Variants in SGCD observed in about 807,000 individuals in gnomAD.
SGCD encodes the protein delta-sarcoglycan.
SGCD carries 18 observed loss-of-function variants against 36.6 expected under a neutral mutation model. The ratio of observed to expected loss-of-function variants is 0.49; its 90% CI spans 0.34 to 0.73. SGCD has a LOEUF of 0.73. Among genes scored for constraint, SGCD ranks in the 30% least tolerant of loss-of-function variants. SGCD has a pLI of 0.01. For synonymous variants in SGCD, 133 were observed against 130.6 expected (o/e 1.02, Z -0.12); for missense variants, 387 against 346.7 (o/e 1.12, Z -0.92).
At chr5:155,895,437 G>A (rs1756228669) in intron 1 of SGCD, among the ~76,000 whole-genome samples, 1 of 152,172 alleles carries the variant, frequency 6.6e-6, no homozygotes, top group South Asian at 2.1e-4. Flanking sequence ...GTAGTTGAAA[G>A]TTCTCTTTAA....
At position 156,475,809 on chromosome 5, in the gene SGCD, A is replaced by G. The variant is rs75954270; in HGVS notation, c.193-32792A>G. Among the ~76,000 whole-genome samples, 770 of 152,336 alleles carry G rather than the reference A, an allele frequency of 5.1e-3. 5 individuals carry two copies. The highest frequency in any genetic ancestry group is 0.017 in the African/African-American group (715 of 41,580). ...TATTAGAATACTAGAGGATCAGGACAGGGTCCCAAAAGAGGAGCTATGAAG... is the reference window on the plus strand; with the variant it reads ...TATTAGAATACTAGAGGATCAGGACGGGGTCCCAAAAGAGGAGCTATGAAG... On this transcript the variant is annotated intron_variant, in intron 3 of 8. Transcript: ENST00000337851.
At chr5:156,151,524 A>G (rs1762835055) in intron 3 of SGCD, among the ~76,000 whole-genome samples, 1 of 151,606 alleles carries the variant, frequency 6.6e-6, no homozygotes, top group South Asian at 2.1e-4. Flanking sequence ...TACAAACCAG[A>G]TGAAAGTATC....
intron 1 of SGCD, among the ~76,000 whole-genome samples, chr5:155,883,957 A>G (rs1561637649): frequency 6.6e-6 from 1 of 152,198 alleles, no homozygotes; most frequent in African/African-American, 2.4e-5. Flanking sequence ...ACTAAATTTC[A>G]GGTTTCTAGA....
At chr5:156,323,999 C>T (rs898935936), upstream of SGCD, among the ~76,000 whole-genome samples, 1 of 152,160 alleles carries the variant, frequency 6.6e-6, no homozygotes, top group African/African-American at 2.4e-5. Context: ...ATCCTCATAA[C>T]ACTCATATAG....
intron 3 of SGCD, among the ~76,000 whole-genome samples, chr5:156,258,525 A>C (rs1765770056): frequency 6.6e-6 from 1 of 152,206 alleles, no homozygotes; most frequent in African/African-American, 2.4e-5. Context: ...TATCAAACAA[A>C]AATAGCCACG....
At chr5:156,310,045 A>G (rs1357576131) in intron 3 of SGCD, among the ~76,000 whole-genome samples, 1 of 152,086 alleles carries the variant, frequency 6.6e-6, no homozygotes, top group Non-Finnish European at 1.5e-5. Context: ...TTTAATTATT[A>G]CAGGCTATTT....
intron 1 of SGCD, among the ~76,000 whole-genome samples, chr5:156,010,284 A>G (rs555043693): frequency 1.3e-5 from 2 of 152,338 alleles, no homozygotes; most frequent in Admixed American, 1.3e-4. Context: ...TTAGGATATT[A>G]CTGTTGGGAA....
chr5:156,685,006 G>T (rs922077303), intron 7 of SGCD, among the ~76,000 whole-genome samples: 1 of 152,118 alleles, frequency 6.6e-6, no homozygotes, highest in Non-Finnish European at 1.5e-5. Flanking sequence ...AGATATACTC[G>T]CATTTAGGGA....
intron 3 of SGCD, among the ~76,000 whole-genome samples, chr5:156,132,458 CTTTTTTTTTTT>C (rs573278623): frequency 2.1e-4 from 11 of 51,792 alleles, no homozygotes; most frequent in African/African-American, 6.7e-4. Flanking sequence ...CTTACCAAGT[CTTTTTTTTTTT>C]TTTTTTTTTT....
At chr5:156,536,574 C>T (rs1215034871) in intron 4 of SGCD, among the ~76,000 whole-genome samples, 1 of 150,882 alleles carries the variant, frequency 6.6e-6, no homozygotes, top group African/African-American at 2.5e-5. Context: ...CATCACTGAT[C>T]CTTTAAGCTT....
chr5:155,969,736 G>C (rs533633661), intron 1 of SGCD, among the ~76,000 whole-genome samples: 1 of 152,028 alleles, frequency 6.6e-6, no homozygotes, highest in South Asian at 2.1e-4. Context: ...TGAGCATGAC[G>C]TGGGCTAGTG....
chr5:156,306,376 A>G (rs1298942660), intron 3 of SGCD, among the ~76,000 whole-genome samples: 1 of 152,184 alleles, frequency 6.6e-6, no homozygotes, highest in Non-Finnish European at 1.5e-5. Context: ...CCATCCATGT[A>G]TGATGTGACT....
chr5:155,838,433 G>T, the SGCD span, among the ~76,000 whole-genome samples: 1 of 151,742 alleles, frequency 6.6e-6, no homozygotes, highest in African/African-American at 2.4e-5. Flanking sequence ...TATTCCATAG[G>T]GTTTCTTACA....
chr5:156,258,433 T>C lies in SGCD; in HGVS notation c.-43-71101T>C, dbSNP rs77213749. ...ACCAATGAACTTTAATGTAATTGAG[T>C]AAATAAAAGTTCATTGATATGATTT... is the stretch of plus-strand genomic sequence containing the variant. On this transcript the variant is annotated intron_variant, in intron 3 of 9. Transcript: ENST00000517913. 4.6e-4 allele frequency among the ~76,000 whole-genome samples: 70 copies of C among 152,286 alleles called. 1 individual carries two copies. The East Asian group carries it at 0.013, about 29-fold the overall frequency.
At chr5:156,573,151 C>T (rs1361961973) in intron 4 of SGCD, among the ~76,000 whole-genome samples, 2 of 151,848 alleles carry the variant, frequency 1.3e-5, no homozygotes, top group Non-Finnish European at 2.9e-5. Context: ...TTTCTTTTCC[C>T]AATAAAAAAA....
the SGCD span, among the ~76,000 whole-genome samples, chr5:155,794,457 A>C: frequency 6.6e-6 from 1 of 152,166 alleles, no homozygotes; most frequent in Non-Finnish European, 1.5e-5. Flanking sequence ...AAAGTGGATA[A>C]AAACATGGAT....
intron 3 of SGCD, among the ~76,000 whole-genome samples, chr5:156,145,490 T>C (rs1054274580): frequency 5.3e-5 from 8 of 152,224 alleles, no homozygotes; most frequent in Non-Finnish European, 8.8e-5. Flanking sequence ...AATAAGGGCA[T>C]TTTAAAGCAT....
intron 7 of SGCD, among the ~76,000 whole-genome samples, chr5:156,737,789 C>T (rs1250998154): frequency 6.6e-6 from 1 of 152,160 alleles, no homozygotes; most frequent in East Asian, 1.9e-4. Flanking sequence ...TGCTAAGAAA[C>T]ATGAAGTGTG....
chr5:156,252,732 T>A (rs1442151862), intron 3 of SGCD, among the ~76,000 whole-genome samples: 2 of 152,222 alleles, frequency 1.3e-5, no homozygotes, highest in Non-Finnish European at 2.9e-5. Context: ...ATCTTAAATA[T>A]TCATGTGAAG....
Sources: allele counts gnomAD v4.1 joint callset (sites outside exome capture counted in the v4.1 genomes callset), GRCh38; gene constraint gnomAD v4.1.1; transcripts MANE v1.5; gene names NCBI Gene and HGNC (gene_info 2026-07-23, HGNC 2026-07-21).